Variants in EYS observed in about 807,000 individuals in gnomAD.
The protein encoded by EYS is protein eyes shut homolog.
In EYS, 250 loss-of-function variants were observed where a neutral mutation model predicts 282.1. The ratio of observed to expected loss-of-function variants is 0.89; its 90% CI spans 0.80 to 0.98. The LOEUF (loss-of-function observed/expected upper bound fraction) is 0.98, where lower values mean the gene tolerates loss of function less well. EYS is among the 50% of genes least tolerant of loss of function. EYS has a pLI of 0.00. For missense variants in EYS, 4,016 were observed against 3,709.0 expected (o/e 1.08, Z -2.15); for synonymous variants, 1,355 against 1,282.9 (o/e 1.06, Z -1.20).
chr6:65,023,909 T>A (rs1397458221), intron 13 of EYS, among the ~76,000 whole-genome samples: 1 of 152,186 alleles, frequency 6.6e-6, no homozygotes, highest in Non-Finnish European at 1.5e-5. Context: ...ACATCATACA[T>A]AGCAGTCCAA....
intron 28 of EYS, among the ~76,000 whole-genome samples, chr6:64,395,150 G>A (rs981326831): frequency 1.3e-5 from 2 of 152,086 alleles, no homozygotes; most frequent in South Asian, 4.1e-4. Flanking sequence ...TGGAGAGGAT[G>A]TAGAGAAATA....
chr6:65,215,860 G>C (rs938172188), intron 12 of EYS, among the ~76,000 whole-genome samples: 11 of 152,152 alleles, frequency 7.2e-5, no homozygotes, highest in Non-Finnish European at 1.3e-4. Flanking sequence ...TCAGATGATT[G>C]TTAGCATATT....
intron 22 of EYS, among the ~76,000 whole-genome samples, chr6:64,629,061 C>A (rs1200961877): frequency 1.3e-5 from 2 of 152,126 alleles, no homozygotes; most frequent in East Asian, 3.8e-4. Context: ...ATTCAGAATA[C>A]CACATTCCAT....
At chr6:65,692,962 C>T (rs142982271) in intron 1 of EYS, among the ~76,000 whole-genome samples, 2 of 150,016 alleles carry the variant, frequency 1.3e-5, no homozygotes, top group Admixed American at 1.3e-4. Context: ...ATGGTCTTGG[C>T]TCCTGAGATA....
chr6:64,156,158 C>T (rs114005090), intron 31 of EYS, among the ~76,000 whole-genome samples: 8,566 of 151,754 alleles, frequency 0.056, 808 homozygotes, highest in African/African-American at 0.2. Flanking sequence ...CCACATGTTG[C>T]GGGAGGGACC....
chr6:64,251,480 C>G (rs762722322), intron 30 of EYS, among the ~76,000 whole-genome samples: 1 of 152,042 alleles, frequency 6.6e-6, no homozygotes, highest in Non-Finnish European at 1.5e-5. Context: ...GGATTCACTT[C>G]AAAGAAGAAG....
chr6:65,246,648 T>C (rs2150279886), intron 12 of EYS, among the ~76,000 whole-genome samples: 1 of 152,242 alleles, frequency 6.6e-6, no homozygotes, highest in East Asian at 1.9e-4. Context: ...ATATTGCCTT[T>C]TCTAAATACA....
intron 19 of EYS, among the ~76,000 whole-genome samples, chr6:64,868,528 G>T (rs896778532): frequency 6.6e-6 from 1 of 151,272 alleles, no homozygotes; most frequent in African/African-American, 2.4e-5. Context: ...GACTTATGTG[G>T]CTAGACTATT....
chr6:64,151,564 G>A (rs1582348090), intron 31 of EYS, among the ~76,000 whole-genome samples: 1 of 151,404 alleles, frequency 6.6e-6, no homozygotes, highest in East Asian at 2.0e-4. Context: ...GTTTCACCAT[G>A]TTGGCGAGGA....
At chr6:64,811,916 T>C (rs998238394) in intron 22 of EYS, among the ~76,000 whole-genome samples, 1 of 152,176 alleles carries the variant, frequency 6.6e-6, no homozygotes, top group Non-Finnish European at 1.5e-5. Flanking sequence ...ACTAACAGAT[T>C]GTAAAAATAC....
chr6:64,076,405 G>C (rs1218595361), intron 32 of EYS, among the ~76,000 whole-genome samples: 1 of 151,914 alleles, frequency 6.6e-6, no homozygotes, highest in Non-Finnish European at 1.5e-5. Context: ...ACGAAACACA[G>C]TTTCAGATTA....
intron 2 of EYS, among the ~76,000 whole-genome samples, chr6:65,499,232 A>G (rs1271073493): frequency 1.3e-5 from 2 of 152,026 alleles, no homozygotes; most frequent in Non-Finnish European, 2.9e-5. Context: ...TGTCATCTTA[A>G]ATTACATCTT....
At chr6:65,151,885 T>C (rs2150215729) in intron 12 of EYS, among the ~76,000 whole-genome samples, 1 of 152,058 alleles carries the variant, frequency 6.6e-6, no homozygotes, top group Admixed American at 6.6e-5. Flanking sequence ...ATATTACTGG[T>C]TCAGATATTT....
At chr6:65,413,631 G>A (rs926681427) in intron 5 of EYS, among the ~76,000 whole-genome samples, 23 of 151,906 alleles carry the variant, frequency 1.5e-4, no homozygotes, top group Middle Eastern at 3.2e-3. Flanking sequence ...AGGCTGAGGC[G>A]CACCGATCAT....
chr6:65,446,076 A>C (rs185487343), intron 5 of EYS, among the ~76,000 whole-genome samples: 1 of 151,870 alleles, frequency 6.6e-6, no homozygotes, highest in Non-Finnish European at 1.5e-5. Flanking sequence ...ATTTTCAAAA[A>C]CTCAGTGACT....
At chr6:64,686,910 T>TATAC (rs1562134194) in intron 22 of EYS, among the ~76,000 whole-genome samples, 3 of 138,236 alleles carry the variant, frequency 2.2e-5, no homozygotes, top group Admixed American at 7.3e-5. Context: ...TGTATATATA[T>TATAC]ACACACATAT....
intron 36 of EYS, among the ~76,000 whole-genome samples, chr6:63,809,604 T>C (rs1247949409): frequency 6.6e-6 from 1 of 152,132 alleles, no homozygotes; most frequent in Non-Finnish European, 1.5e-5. Context: ...ATAAATTGTT[T>C]AGTGTGTAGA....
At chr6:63,889,820 G>A (rs1773362106) in intron 35 of EYS, among the ~76,000 whole-genome samples, 1 of 152,094 alleles carries the variant, frequency 6.6e-6, no homozygotes, top group Non-Finnish European at 1.5e-5. Flanking sequence ...AAAAGGCACA[G>A]ACTTGCAAAT....
intron 11 of EYS, among the ~76,000 whole-genome samples, chr6:65,306,610 T>G (rs1348262128): frequency 6.6e-6 from 1 of 151,452 alleles, no homozygotes; most frequent in Non-Finnish European, 1.5e-5. Context: ...CCATTTGCCC[T>G]TACAGAAAGA....
Sources: allele counts gnomAD v4.1 joint callset (sites outside exome capture counted in the v4.1 genomes callset), GRCh38; gene constraint gnomAD v4.1.1; transcripts MANE v1.5; gene names NCBI Gene and HGNC (gene_info 2026-07-23, HGNC 2026-07-21).